Variants in IDI2 observed in about 807,000 individuals in gnomAD.
IDI2 encodes the protein isopentenyl-diphosphate delta-isomerase 2.
In IDI2, 18 loss-of-function variants were observed where a neutral mutation model predicts 14.8. The observed-to-expected ratio is 1.22, with a 90% CI of 0.84 to 1.80. The LOEUF (loss-of-function observed/expected upper bound fraction) is 1.80. Ranked by LOEUF, IDI2 falls within the 40% of genes most tolerant of loss-of-function variation. The pLI is 0.00. For missense variants in IDI2, 316 were observed against 283.2 expected (o/e 1.12, Z -0.83); for synonymous variants, 133 against 109.6 (o/e 1.21, Z -1.33).
intron 4 of IDI2, among the ~76,000 whole-genome samples, chr10:1,020,163 G>C (rs1832066455): frequency 6.6e-6 from 1 of 152,054 alleles, no homozygotes; most frequent in South Asian, 2.1e-4. Context: ...ACGTGTTCTT[G>C]AGTGGATGAA....
chr10:1,022,850 A>C, intron 2 of IDI2, 75 bp from the exon 3 acceptor site: 2 of 1,175,284 alleles, frequency 1.7e-6, no homozygotes, highest in Non-Finnish European at 2.5e-6. Flanking sequence ...TTTTGTCCTC[A>C]GTCTGTTTCT....
rs142231116 is a variant in IDI2, at chr10:1,020,818, C to T, written c.315G>A (p.Arg105=). ...CTTGCAGACGCCTCTGGGCTGCCCT[C>T]CTCACTCCGATGGCATCCTTTTCTT... ...ELEEKDAIGV[R]RAAQRRLQAE... The change falls in exon 4 of 5, where the codon AGG becomes AGA. Residue 105 remains arginine, a synonymous_variant. Transcript: ENST00000277517. The T allele has an allele frequency of 6.8e-6, 11 of 1,613,922 alleles. No individual in the cohort carries two copies. The highest frequency in any genetic ancestry group is 9.3e-6 in the Non-Finnish European group (11 of 1,179,980).
At chr10:1,024,861 T>G in intron 1 of IDI2, 117 bp from the exon 2 acceptor site, 1 of 929,502 alleles carries the variant, frequency 1.1e-6, no homozygotes, top group Non-Finnish European at 1.7e-6. Context: ...GTGACAGCAA[T>G]TGTGTTGAAG....
intron 2 of IDI2, among the ~76,000 whole-genome samples, chr10:1,023,030 A>G (rs911100851): frequency 1.3e-5 from 2 of 152,156 alleles, no homozygotes; most frequent in Admixed American, 6.5e-5. Context: ...AATAAAAGAG[A>G]TCAGTCTATC....
rs199805419 is a variant in IDI2, at chr10:1,022,659, C to T, written c.235+24G>A. The T allele has an allele frequency of 3.1e-3, 4,803 of 1,559,184 alleles. 7 individuals carry two copies. Among genetic ancestry groups the T allele is most frequent in the Non-Finnish European group, 3.9e-3 (4,408 of 1,130,146 alleles). On this transcript the variant is annotated intron_variant, in intron 3 of 4. Coordinates refer to ENST00000277517, the MANE Select transcript of IDI2 (RefSeq NM_033261.3). ...GTCACATGAGATGCTCTCTTCAGTC[C>T]GGGGCTTGGTTGAACGGACTCACCA...
At position 1,021,331 on chromosome 10, in the gene IDI2, G is replaced by T. The variant is rs999043671; in HGVS notation, c.236-434C>A. Among the ~76,000 whole-genome samples the T allele has an allele frequency of 2.6e-5, 4 of 152,256 alleles. No individual in the cohort carries two copies. The East Asian group carries it at 7.7e-4, about 29-fold the overall frequency. On this transcript the variant is annotated intron_variant, in intron 3 of 4. Transcript: ENST00000277517. ...GAAGCTGGGCTGCACTTTGAGGGTG[G>T]TGATCAGTGAGCATGGTTTCACAGG...
At position 1,019,504 on chromosome 10, in the gene IDI2, A is replaced by T; in HGVS notation, c.*13T>A. 1 of 1,602,698 alleles carries T rather than the reference A, an allele frequency of 6.2e-7. No individual in the cohort carries two copies. Among genetic ancestry groups the T allele is most frequent in the Non-Finnish European group, 8.5e-7 (1 of 1,172,692 alleles). ...GAGGGCATTACACATGGCTGACTCG[A>T]CCTCCCTGCCTCTCACACTCTGTGT... On this transcript the variant is annotated 3_prime_UTR_variant, in exon 5 of 5. Coordinates refer to ENST00000277517, the MANE Select transcript of IDI2 (RefSeq NM_033261.3).
intron 3 of IDI2, among the ~76,000 whole-genome samples, chr10:1,021,747 A>G (rs1832105690): frequency 6.6e-6 from 1 of 152,192 alleles, no homozygotes; most frequent in Non-Finnish European, 1.5e-5. Context: ...CCGTGAGTAC[A>G]ACTTGACCAG....
chr10:1,021,420 T>C (rs1018871550), intron 3 of IDI2, among the ~76,000 whole-genome samples: 3 of 152,228 alleles, frequency 2.0e-5, no homozygotes, highest in Non-Finnish European at 4.4e-5. Context: ...TTTACCCAAG[T>C]AACAGCAATA....
intron 4 of IDI2, 32 bp from the exon 5 acceptor site, chr10:1,019,866 C>T (rs774535404): frequency 3.6e-5 from 52 of 1,451,270 alleles, no homozygotes; most frequent in Admixed American, 3.1e-4. Flanking sequence ...GTGTTAACAA[C>T]GCTAATGTAA....
chr10:1,022,304 A>G (rs999307151), intron 3 of IDI2, among the ~76,000 whole-genome samples: 2 of 152,120 alleles, frequency 1.3e-5, no homozygotes, highest in Non-Finnish European at 2.9e-5. Flanking sequence ...GAAGTACAAG[A>G]TAATTAAAAC....
At position 1,024,773 on chromosome 10, in the gene IDI2, T is replaced by C. The variant is rs200816432; in HGVS notation, c.-21-29A>G. On this transcript the variant is annotated intron_variant, in intron 1 of 4. Transcript: ENST00000277517. ...AAATAGATGCACACAAATGCCTCTT[T>C]ATGTGAAAGATATTGCCATCTCGTT... is the stretch of plus-strand genomic sequence containing the variant. 24 of 1,609,680 alleles carry C rather than the reference T, an allele frequency of 1.5e-5. No homozygotes were observed. The African/African-American group carries it at 2.7e-4, about 18-fold the overall frequency.
rs1008201247 is a variant in IDI2 at position 1,019,568 on chromosome 10, G to A, written c.633C>T (p.His211=). 1.2e-6 allele frequency: 2 copies of A among 1,613,746 alleles called. No homozygotes were observed. Among genetic ancestry groups the A allele is most frequent in the African/African-American group, 2.7e-5 (2 of 74,828 alleles). The change falls in exon 5 of 5, where the codon CAC becomes CAT. Residue 211 remains histidine, a synonymous_variant. Transcript: ENST00000277517. ...AERFLYRWWP[H]LDDVTPFVEL... Reference sequence around the variant, plus strand: ...CCACAAACGGGGTCACGTCATCCAGGTGAGGCCACCACCGGTACAGAAACC... The same window carrying A: ...CCACAAACGGGGTCACGTCATCCAGATGAGGCCACCACCGGTACAGAAACC...
In IDI2 at chr10:1,019,684, A is replaced by G. The variant is rs1033551955; in HGVS notation, c.517T>C (p.Tyr173His). ...PDPSETKSIL[Y>H]LSQEELWELL... ...TCCCACAGCTCCTCCTGGGACAGGTAGAGGATGCTTTTCGTTTCACTGGGA... is the reference window on the plus strand; with the variant it reads ...TCCCACAGCTCCTCCTGGGACAGGTGGAGGATGCTTTTCGTTTCACTGGGA... The change falls in exon 5 of 5, where the codon TAC becomes CAC. Residue 173 changes from tyrosine (Y) to histidine (H), a missense_variant. Coordinates refer to ENST00000277517, the MANE Select transcript of IDI2 (RefSeq NM_033261.3). 8.7e-6 allele frequency: 14 copies of G among 1,613,938 alleles called. No individual in the cohort carries two copies. Among genetic ancestry groups the G allele is most frequent in the Non-Finnish European group, 1.0e-5 (12 of 1,180,018 alleles).
chr10:1,024,745 C>G lies in IDI2; in HGVS notation c.-21-1G>C. On this transcript the variant is annotated splice_acceptor_variant, in intron 1 of 4. Transcript: ENST00000277517. LOFTEE classifies it low-confidence loss of function (5UTR_SPLICE). ...ACATAGCTGCTGGCTGTGACCCGAC[C>G]TGAAATAGATGCACACAAATGCCTC... 1 of 1,613,494 alleles carries G rather than the reference C, an allele frequency of 6.2e-7. No homozygotes were observed. The highest frequency in any genetic ancestry group is 8.5e-7 in the Non-Finnish European group (1 of 1,179,790).
intron 1 of IDI2, 113 bp downstream of exon 1, chr10:1,025,703 C>T (rs755951311): frequency 2.0e-5 from 3 of 152,150 alleles, no homozygotes; most frequent in Non-Finnish European, 4.4e-5. Context: ...GGCTGTTTGA[C>T]TTAATGCATG....
At chr10:1,022,119 T>C (rs912779749) in intron 3 of IDI2, among the ~76,000 whole-genome samples, 29 of 151,542 alleles carry the variant, frequency 1.9e-4, no homozygotes, top group African/African-American at 6.5e-4. Context: ...GTTACCCGGG[T>C]GTGGTGGCGG....
intron 4 of IDI2, chr10:1,020,039 C>T: frequency 1.7e-6 from 1 of 585,536 alleles, no homozygotes; most frequent in Non-Finnish European, 3.0e-6. Flanking sequence ...TTCTTGGTTC[C>T]AGTAAACCTG....
intron 3 of IDI2, among the ~76,000 whole-genome samples, chr10:1,021,715 G>A (rs201066206): frequency 6.6e-6 from 1 of 152,184 alleles, no homozygotes; most frequent in Non-Finnish European, 1.5e-5. Flanking sequence ...AACAAACTTT[G>A]CATTCAGCTC....
Sources: gnomAD v4.1 joint callset for allele counts (sites outside exome capture counted in the v4.1 genomes callset) on GRCh38, gnomAD v4.1.1 for gene constraint, MANE v1.5 for transcripts, NCBI Gene and HGNC (gene_info 2026-07-23, HGNC 2026-07-21) for gene names.